The following ENTPD6 variants were observed in gnomAD, a reference collection of about 807,000 sequenced individuals.
ENTPD6 encodes ectonucleoside triphosphate diphosphohydrolase 6.
ENTPD6 carries 46 observed loss-of-function variants against 61.5 expected under a neutral mutation model. The ratio of observed to expected loss-of-function variants is 0.75; its 90% CI spans 0.59 to 0.96. The LOEUF is 0.96. ENTPD6 is among the 40% of genes least tolerant of loss of function. ENTPD6 has a pLI of 0.00. For missense variants in ENTPD6, 612 were observed against 629.0 expected, an observed-to-expected ratio of 0.97 and a Z score of 0.29; for synonymous variants, 252 against 255.5, an observed-to-expected ratio of 0.99 and a Z score of 0.13.
At chr20:25,201,139 T>G (rs2091000607) in intron 1 of ENTPD6, among the ~76,000 whole-genome samples, 1 of 152,268 alleles carries the variant, frequency 6.6e-6, no homozygotes, top group Non-Finnish European at 1.5e-5. Flanking sequence ...CTTCTGCTGT[T>G]GATTTCTGGT....
chr20:25,224,361 C>T, intron 13 of ENTPD6: 1 of 454,594 alleles, frequency 2.2e-6, no homozygotes, highest in Non-Finnish European at 3.9e-6. Flanking sequence ...ATTCCACTTC[C>T]TCAGATGCCA....
intron 3 of ENTPD6, among the ~76,000 whole-genome samples, chr20:25,209,034 A>G (rs1318285296): frequency 6.6e-6 from 1 of 151,350 alleles, no homozygotes; most frequent in East Asian, 2.0e-4. Flanking sequence ...CTCCTGCCTC[A>G]GCCTCCTGAG....
At chr20:25,218,139 G>C (rs1342610101) in intron 9 of ENTPD6, among the ~76,000 whole-genome samples, 1 of 152,040 alleles carries the variant, frequency 6.6e-6, no homozygotes, top group Non-Finnish European at 1.5e-5. Context: ...TCCTCCTTGT[G>C]CACATTCCTC....
intron 3 of ENTPD6, among the ~76,000 whole-genome samples, chr20:25,209,117 T>TA (rs150679918): frequency 0.26 from 37,538 of 146,518 alleles, 5,977 homozygotes; most frequent in East Asian, 0.61. Flanking sequence ...TTTATTTAAT[T>TA]TTTTTTTTTT....
chr20:25,205,484 G>A (rs904128493), intron 1 of ENTPD6, among the ~76,000 whole-genome samples: 1 of 152,128 alleles, frequency 6.6e-6, no homozygotes, highest in African/African-American at 2.4e-5. Context: ...AAGGACGAAA[G>A]AGGAGTGCGA....
chr20:25,198,906 T>C (rs183073674), intron 1 of ENTPD6, among the ~76,000 whole-genome samples: 9 of 152,346 alleles, frequency 5.9e-5, no homozygotes, highest in Non-Finnish European at 1.2e-4. Flanking sequence ...AAACTCAGCA[T>C]GTCAAAAACC....
Position 25,226,953 on chromosome 20 carries a change from C to A in ENTPD6, c.*1356C>A, listed in dbSNP as rs1003048791. On this transcript the variant is annotated 3_prime_UTR_variant, in exon 15 of 15. Transcript: ENST00000376652. Reference sequence around the variant, plus strand: ...CTGTTGAGCACAGCTCCTCCTGTGCCAGGCCAGCAGCCCACAGCACGGCCA... The same window carrying A: ...CTGTTGAGCACAGCTCCTCCTGTGCAAGGCCAGCAGCCCACAGCACGGCCA... Among the ~76,000 whole-genome samples, 2 of 152,260 alleles carry A rather than the reference C, an allele frequency of 1.3e-5. No individual in the cohort carries two copies. The highest frequency in any genetic ancestry group is 4.8e-5 in the African/African-American group (2 of 41,476).
chr20:25,214,418 C>T (rs1268838021), intron 5 of ENTPD6, among the ~76,000 whole-genome samples: 1 of 152,248 alleles, frequency 6.6e-6, no homozygotes, highest in African/African-American at 2.4e-5. Context: ...CTTTATCTCA[C>T]ATCCCAAAGC....
chr20:25,209,829 T>C lies in ENTPD6; in HGVS notation c.377-20T>C, dbSNP rs1568619140. 6.2e-7 allele frequency: 1 copy of C among 1,606,556 alleles called. No individual in the cohort carries two copies. Among genetic ancestry groups the C allele is most frequent in the Middle Eastern group, 1.7e-4 (1 of 6,046 alleles). On this transcript the variant is annotated intron_variant, in intron 3 of 14. Coordinates refer to ENST00000376652, the MANE Select transcript of ENTPD6 (RefSeq NM_001247.5). ...GTGTGTATTCATAGTTGTACCCTTT[T>C]CAACATGTTTTCCCCTTAGAAACTC... is the stretch of plus-strand genomic sequence containing the variant.
At chr20:25,223,954 A>C in intron 12 of ENTPD6, 147 bp from the exon 13 acceptor site, 1 of 641,530 alleles carries the variant, frequency 1.6e-6, no homozygotes, top group Non-Finnish European at 2.6e-6. Context: ...AGAGCACGTG[A>C]GTGCCGCCTA....
rs765807404 is a variant in ENTPD6 at position 25,213,348 on chromosome 20, A to G, written c.539A>G (p.Lys180Arg). 34 of 1,614,232 alleles carry G rather than the reference A, an allele frequency of 2.1e-5. No individual in the cohort carries two copies. In the South Asian group the frequency reaches 3.4e-4, roughly 16 times the overall value. Residue 180 changes from lysine to arginine, a missense_variant, in exon 5 of 15, where the codon AAG (lysine) becomes AGG (arginine). Transcript: ENST00000376652. ...DFWKATPLVL[K>R]ATAGLRLLPG... ...TGGAAGGCCACCCCTCTGGTCCTCAAGGCCACAGCTGGCTTACGCCTGTTA... is the reference window on the plus strand; with the variant it reads ...TGGAAGGCCACCCCTCTGGTCCTCAGGGCCACAGCTGGCTTACGCCTGTTA...
intron 10 of ENTPD6, among the ~76,000 whole-genome samples, chr20:25,219,686 C>A (rs12479688): frequency 1.3e-5 from 2 of 152,158 alleles, no homozygotes; most frequent in African/African-American, 2.4e-5. Flanking sequence ...GTGTATGAGG[C>A]GCTCACCAGC....
At chr20:25,198,956 T>C (rs2090783320) in intron 1 of ENTPD6, among the ~76,000 whole-genome samples, 1 of 152,250 alleles carries the variant, frequency 6.6e-6, no homozygotes, top group South Asian at 2.1e-4. Flanking sequence ...CCTTCCCAGA[T>C]GACCTGTTTC....
At chr20:25,196,364 G>A in intron 1 of ENTPD6, 1 of 398,426 alleles carries the variant, frequency 2.5e-6, no homozygotes, top group Non-Finnish European at 3.4e-6. Context: ...TGCCCGAGCT[G>A]ACCTGTGAGC....
chr20:25,208,849 A>G (rs1429476360), intron 3 of ENTPD6, among the ~76,000 whole-genome samples: 1 of 152,248 alleles, frequency 6.6e-6, no homozygotes, highest in African/African-American at 2.4e-5. Flanking sequence ...ACTATGTTAA[A>G]ATTTAACACT....
At chr20:25,213,508 C>G in intron 5 of ENTPD6, 102 bp downstream of exon 5, 1 of 1,266,682 alleles carries the variant, frequency 7.9e-7, no homozygotes, top group Non-Finnish European at 1.1e-6. Context: ...AGGCAGGACA[C>G]AGATGCTTCT....
chr20:25,224,350 G>A (rs1193963467), intron 13 of ENTPD6, 193 bp downstream of exon 13: 4 of 466,828 alleles, frequency 8.6e-6, no homozygotes, highest in South Asian at 6.9e-5. Flanking sequence ...TGGGTCCCTC[G>A]ATTCCACTTC....
At chr20:25,205,748 TC>T (rs1189247162) in intron 1 of ENTPD6, among the ~76,000 whole-genome samples, 10 of 152,128 alleles carry the variant, frequency 6.6e-5, no homozygotes, top group Admixed American at 4.6e-4. Context: ...TGGTGAGGCC[TC>T]TCCCCTCGGC....
rs148291280 is a variant in ENTPD6, at chr20:25,221,337, C to T, written c.1045+4C>T. ...AGGGTTTCAGGGCAGAAAGCAGGTACGGGGAGGGTTGCTGCCTGTTGGTTT... is the reference window on the plus strand; with the variant it reads ...AGGGTTTCAGGGCAGAAAGCAGGTATGGGGAGGGTTGCTGCCTGTTGGTTT... On this transcript the variant is annotated splice_donor_region_variant and intron_variant, in intron 11 of 14. Transcript: ENST00000376652. 2.9e-4 allele frequency: 473 copies of T among 1,612,128 alleles called. 1 individual carries two copies. The highest frequency in any genetic ancestry group is 3.7e-4 in the Non-Finnish European group (441 of 1,178,236).
Sources: allele counts gnomAD v4.1 joint callset (sites outside exome capture counted in the v4.1 genomes callset), GRCh38; gene constraint gnomAD v4.1.1; transcripts MANE v1.5; gene names NCBI Gene and HGNC (gene_info 2026-07-23, HGNC 2026-07-21).